The following STK31 variants were observed in gnomAD, a reference collection of about 807,000 sequenced individuals.
STK31 encodes serine/threonine-protein kinase 31.
STK31 carries 89 observed loss-of-function variants against 129.7 expected under a neutral mutation model. That is an observed-to-expected ratio of 0.69 (90% CI 0.58 to 0.82). The LOEUF (loss-of-function observed/expected upper bound fraction) is 0.82. Among genes scored for constraint, STK31 ranks in the 40% least tolerant of loss-of-function variants. The probability of loss-of-function intolerance (pLI) is 0.00; values close to 1 mark genes in which losing one functional copy is unlikely to be tolerated. For synonymous variants in STK31, 448 were observed against 395.3 expected, an observed-to-expected ratio of 1.13 and a Z score of -1.58; for missense variants, 1,187 against 1,176.4, an observed-to-expected ratio of 1.01 and a Z score of -0.13.
rs1376635886 is a variant in STK31 at position 23,763,290 on chromosome 7, T to C, written c.1416+367T>C. Among the ~76,000 whole-genome samples the C allele has an allele frequency of 3.9e-5, 6 of 152,084 alleles. No individual in the cohort carries two copies. The East Asian group carries it at 5.8e-4, about 15-fold the overall frequency. On this transcript the variant is annotated intron_variant, in intron 11 of 23. Transcript: ENST00000355870. ...GGGATCAACTCTGATCCATAAATTA[T>C]AGGGTTTTTAGGCTCCATGACCAGG...
chr7:23,776,087 G>T (rs143719196), intron 15 of STK31, among the ~76,000 whole-genome samples: 1 of 152,210 alleles, frequency 6.6e-6, no homozygotes, highest in South Asian at 2.1e-4. Flanking sequence ...TGAGATAGTC[G>T]TGTGGTTTTT....
At chr7:23,725,823 T>G (rs1787030261) in intron 4 of STK31, 1 of 152,240 alleles carries the variant, frequency 6.6e-6, no homozygotes. Flanking sequence ...TTTAAGTGTT[T>G]GATGCCTGTG....
intron 4 of STK31, 117 bp from the exon 5 acceptor site, chr7:23,727,124 T>G: frequency 3.9e-5 from 30 of 762,612 alleles, no homozygotes; most frequent in East Asian, 1.1e-4. Context: ...GAGAATTAAA[T>G]GAGTTATATA....
At chr7:23,809,770 TC>T (rs1161826931) in intron 22 of STK31, among the ~76,000 whole-genome samples, 1 of 152,178 alleles carries the variant, frequency 6.6e-6, no homozygotes, top group African/African-American at 2.4e-5. Context: ...AAGTGCTCCT[TC>T]CCCAGTGCAA....
At chr7:23,805,209 G>A (rs764846267) in intron 22 of STK31, among the ~76,000 whole-genome samples, 8 of 152,136 alleles carry the variant, frequency 5.3e-5, no homozygotes, top group Non-Finnish European at 7.4e-5. Context: ...CTGAGTAGCT[G>A]GGATTACAGG....
intron 20 of STK31, 59 bp downstream of exon 20, chr7:23,786,983 T>G: frequency 6.7e-7 from 1 of 1,503,268 alleles, no homozygotes; most frequent in Non-Finnish European, 9.2e-7. Context: ...TAACACCTGA[T>G]ATTTATTCAG....
At chr7:23,749,761 A>G (rs967771573) in intron 8 of STK31, among the ~76,000 whole-genome samples, 3 of 152,186 alleles carry the variant, frequency 2.0e-5, no homozygotes, top group African/African-American at 7.2e-5. Flanking sequence ...GATGTGTTGT[A>G]TAGTCCTGTG....
intron 8 of STK31, among the ~76,000 whole-genome samples, chr7:23,744,834 AT>A (rs1256387243): frequency 6.6e-6 from 1 of 152,034 alleles, no homozygotes; most frequent in Non-Finnish European, 1.5e-5. Context: ...AATGGTGGCA[AT>A]GCCAGGCCAA....
rs1369366769 is a variant in STK31 at position 23,719,294 on chromosome 7, C to T, written c.249+1715C>T. ...TCATGAAAATCTACTGTACACTTTGCCAAGGCCAAAGAATGAAAGACAATA... is the reference window on the plus strand; with the variant it reads ...TCATGAAAATCTACTGTACACTTTGTCAAGGCCAAAGAATGAAAGACAATA... On this transcript the variant is annotated intron_variant, in intron 4 of 23. Transcript: ENST00000355870. 7.9e-5 allele frequency among the ~76,000 whole-genome samples: 12 copies of T among 152,028 alleles called. No homozygotes were observed. In the South Asian group the frequency reaches 2.5e-3, roughly 32 times the overall value.
In STK31 at chr7:23,769,692, A is replaced by G. The variant is rs528010902; in HGVS notation, c.1649A>G (p.Asn550Ser). The G allele has an allele frequency of 3.2e-5, 51 of 1,612,058 alleles. No individual in the cohort carries two copies. Among genetic ancestry groups the G allele is most frequent in the Non-Finnish European group, 4.3e-5 (51 of 1,178,934 alleles). Residue 550 changes from asparagine to serine, a missense_variant, in exon 13 of 24, where the codon AAT (asparagine) becomes AGT (serine). Asn to Ser is a conservative substitution (Grantham distance 46). This residue lies in a region of STK31 where 975 missense variants were observed against 934.9 expected (regional missense o/e 1.04). Transcript: ENST00000355870. ...CTGATTTCAGAAGACGCAATGGATAATATTGATGAAATCCTAGAGAAGACT... is the reference window on the plus strand; with the variant it reads ...CTGATTTCAGAAGACGCAATGGATAGTATTGATGAAATCCTAGAGAAGACT... The part of the protein sequence containing the change: ...GSLISEDAMD[N>S]IDEILEKTES...
intron 6 of STK31, among the ~76,000 whole-genome samples, chr7:23,730,262 T>G (rs573175781): frequency 1.3e-5 from 2 of 152,188 alleles, no homozygotes; most frequent in Admixed American, 6.5e-5. Context: ...GGAAAACAGT[T>G]TAATCATTGT....
chr7:23,771,241 C>T, intron 14 of STK31, 117 bp downstream of exon 14: 1 of 919,780 alleles, frequency 1.1e-6, no homozygotes. Context: ...TACTAGAATT[C>T]ACTGTCAACT....
At chr7:23,717,705 A>AT in intron 4 of STK31, 126 bp downstream of exon 4, 1 of 668,920 alleles carries the variant, frequency 1.5e-6, no homozygotes, top group Non-Finnish European at 2.6e-6. Flanking sequence ...ATTTGTATAA[A>AT]CTACTGTTAT....
intron 5 of STK31, among the ~76,000 whole-genome samples, chr7:23,728,072 CTTTTTTTTTTTTTTTT>C (rs56355518): frequency 2.9e-5 from 2 of 68,290 alleles, no homozygotes. Flanking sequence ...TTGTGTTAAG[CTTTTTTTTTTTTTTTT>C]TTTTTTTTTT....
intron 16 of STK31, 107 bp downstream of exon 16, chr7:23,781,627 A>G (rs2128108634): frequency 2.7e-6 from 2 of 735,846 alleles, no homozygotes; most frequent in Non-Finnish European, 2.2e-6. Context: ...GAGGTATTAT[A>G]TAGAAAGTTT....
chr7:23,742,989 G>A (rs957915005), intron 8 of STK31, among the ~76,000 whole-genome samples: 3 of 141,460 alleles, frequency 2.1e-5, no homozygotes, highest in Admixed American at 7.3e-5. Context: ...GTCTTGCTCT[G>A]TCGCCCAGGC....
At chr7:23,733,306 C>T (rs1039430878) in intron 6 of STK31, among the ~76,000 whole-genome samples, 5 of 151,684 alleles carry the variant, frequency 3.3e-5, no homozygotes, top group Admixed American at 6.6e-5. Flanking sequence ...ATCACAGCTA[C>T]TTAGGAGGCT....
Position 23,710,256 on chromosome 7 carries a change from C to G in STK31, c.-30C>G. On this transcript the variant is annotated 5_prime_UTR_variant, in exon 1 of 24. Coordinates refer to ENST00000355870, the MANE Select transcript of STK31 (RefSeq NM_031414.5). ...CACGCGGTAAGCCGCTGCACGTGTG[C>G]TACGGCGGGCGGAGGGCCGAAAGTC... 1 of 1,603,656 alleles carries G rather than the reference C, an allele frequency of 6.2e-7. No individual in the cohort carries two copies. Among genetic ancestry groups the G allele is most frequent in the Non-Finnish European group, 8.5e-7 (1 of 1,176,442 alleles).
intron 6 of STK31, among the ~76,000 whole-genome samples, chr7:23,732,553 CAG>C (rs1787495748): frequency 6.6e-6 from 1 of 152,036 alleles, no homozygotes; most frequent in Non-Finnish European, 1.5e-5. Flanking sequence ...ATATATGATT[CAG>C]GGAGAATCTG....
Sources: gnomAD v4.1 joint callset for allele counts (sites outside exome capture counted in the v4.1 genomes callset) on GRCh38, gnomAD v4.1.1 for gene constraint, gnomAD v4.1.1 regional missense constraint, MANE v1.5 for transcripts, NCBI Gene and HGNC (gene_info 2026-07-23, HGNC 2026-07-21) for gene names.